Variants in SPECC1L observed in about 807,000 individuals in gnomAD.
SPECC1L encodes sperm antigen with calponin homology and coiled-coil domains 1 like, also known as cytospin-A.
SPECC1L carries 40 observed loss-of-function variants against 116.8 expected under a neutral mutation model. That is an observed-to-expected ratio of 0.34 (90% CI 0.27 to 0.45). The LOEUF (loss-of-function observed/expected upper bound fraction) is 0.45. SPECC1L is among the 20% of genes least tolerant of loss of function. The pLI, the probability that SPECC1L is intolerant of heterozygous loss-of-function variation, is 1.00. For synonymous variants in SPECC1L, 504 were observed against 500.6 expected (o/e 1.01, Z -0.09); for missense variants, 1,110 against 1,373.6 (o/e 0.81, Z 3.03).
At chr22:24,330,100 G>A (rs2040909521) in intron 7 of SPECC1L, among the ~76,000 whole-genome samples, 156 bp from the exon 8 acceptor site, 1 of 152,100 alleles carries the variant, frequency 6.6e-6, no homozygotes, top group African/African-American at 2.4e-5. Context: ...TTGCCTGTTA[G>A]AAATAGATAC....
intron 2 of SPECC1L, among the ~76,000 whole-genome samples, chr22:24,301,701 AAT>A (rs1274150390): frequency 6.6e-6 from 1 of 152,198 alleles, no homozygotes; most frequent in Non-Finnish European, 1.5e-5. Flanking sequence ...AAAGTTTAAA[AAT>A]AGTAAGTCAG....
At chr22:24,342,237 A>G (rs555434138) in intron 10 of SPECC1L, among the ~76,000 whole-genome samples, 12 of 152,370 alleles carry the variant, frequency 7.9e-5, no homozygotes, top group African/African-American at 2.9e-4. Context: ...ACCTATAACC[A>G]GGGGAAAAAT....
At chr22:24,366,519 T>A (rs2041769684) in intron 13 of SPECC1L, among the ~76,000 whole-genome samples, 1 of 151,868 alleles carries the variant, frequency 6.6e-6, no homozygotes, top group African/African-American at 2.4e-5. Context: ...TCAAATTGAG[T>A]CACTTTGATG....
intron 11 of SPECC1L, among the ~76,000 whole-genome samples, chr22:24,348,473 G>A (rs1387707499): frequency 2.6e-5 from 4 of 152,138 alleles, no homozygotes; most frequent in Admixed American, 6.5e-5. Flanking sequence ...TAGGGGCAAT[G>A]GAGTACAAGG....
At chr22:24,345,895 C>A (rs2041281865) in intron 10 of SPECC1L, among the ~76,000 whole-genome samples, 1 of 152,104 alleles carries the variant, frequency 6.6e-6, no homozygotes, top group South Asian at 2.1e-4. Context: ...CATAGACAAG[C>A]AACGTGGTCT....
At chr22:24,410,625 CT>C (rs1298880480) in intron 14 of SPECC1L, among the ~76,000 whole-genome samples, 2 of 152,114 alleles carry the variant, frequency 1.3e-5, no homozygotes, top group Non-Finnish European at 2.9e-5. Flanking sequence ...TTTCAGATTA[CT>C]TTTTTTTAAC....
intron 11 of SPECC1L, among the ~76,000 whole-genome samples, chr22:24,354,873 A>G (rs1307230830): frequency 1.3e-5 from 2 of 151,716 alleles, no homozygotes; most frequent in African/African-American, 4.8e-5. Flanking sequence ...CATGTTGGCC[A>G]TCTCATGACC....
At chr22:24,297,619 A>G (rs1043653520) in intron 2 of SPECC1L, among the ~76,000 whole-genome samples, 3 of 152,176 alleles carry the variant, frequency 2.0e-5, no homozygotes, top group Non-Finnish European at 2.9e-5. Flanking sequence ...CCCTTTATCT[A>G]TGGTTTTGCT....
intron 14 of SPECC1L, among the ~76,000 whole-genome samples, chr22:24,394,241 C>G (rs1417950742): frequency 6.6e-6 from 1 of 152,188 alleles, no homozygotes; most frequent in Non-Finnish European, 1.5e-5. Flanking sequence ...AAATTTATTT[C>G]TCACAGGCCT....
intron 2 of SPECC1L, among the ~76,000 whole-genome samples, chr22:24,281,628 G>C (rs936973540): frequency 6.6e-6 from 1 of 151,978 alleles, no homozygotes; most frequent in Non-Finnish European, 1.5e-5. Context: ...ATAATACTTG[G>C]TTTTTGTGTA....
intron 14 of SPECC1L, among the ~76,000 whole-genome samples, chr22:24,402,139 T>C (rs5760393): frequency 4.0e-4 from 44 of 109,306 alleles, no homozygotes; most frequent in African/African-American, 6.2e-4. Flanking sequence ...TTCCCCTTCC[T>C]TCCCCTTCCC....
At chr22:24,304,293 TGTA>T (rs2049445436) in intron 3 of SPECC1L, 1 of 152,242 alleles carries the variant, frequency 6.6e-6, no homozygotes, top group African/African-American at 2.4e-5. Flanking sequence ...ACTCTCTTCT[TGTA>T]GTGACAGGAT....
At chr22:24,315,469 T>C (rs1237318774) in intron 4 of SPECC1L, among the ~76,000 whole-genome samples, 1 of 152,276 alleles carries the variant, frequency 6.6e-6, no homozygotes, top group Non-Finnish European at 1.5e-5. Flanking sequence ...AGGCTGGTGG[T>C]GAGGCAAGGT....
intron 14 of SPECC1L, among the ~76,000 whole-genome samples, chr22:24,379,485 T>C (rs1247957151): frequency 6.6e-6 from 1 of 152,216 alleles, no homozygotes; most frequent in African/African-American, 2.4e-5. Flanking sequence ...AGTTATTCCA[T>C]GCCTCTTGGA....
chr22:24,324,890 A>T (rs1179868047), intron 6 of SPECC1L, among the ~76,000 whole-genome samples: 1 of 152,222 alleles, frequency 6.6e-6, no homozygotes. Context: ...TCCTGTGTCC[A>T]TGGTAACTGC....
chr22:24,288,999 C>G (rs193105467), intron 2 of SPECC1L, among the ~76,000 whole-genome samples: 19 of 152,246 alleles, frequency 1.2e-4, no homozygotes, highest in Admixed American at 1.1e-3. Context: ...TGAAATGTTT[C>G]ATTTAGTATT....
intron 14 of SPECC1L, among the ~76,000 whole-genome samples, chr22:24,406,013 G>A (rs757115958): frequency 1.7e-4 from 26 of 152,088 alleles, no homozygotes; most frequent in Non-Finnish European, 3.5e-4. Flanking sequence ...TCATACTGGT[G>A]GTGGTGAGTT....
At chr22:24,271,760 T>A (rs2048731945) in intron 1 of SPECC1L, among the ~76,000 whole-genome samples, 1 of 152,200 alleles carries the variant, frequency 6.6e-6, no homozygotes, top group South Asian at 2.1e-4. Flanking sequence ...GGAACCTTGA[T>A]TTGTTGATAT....
At chr22:24,360,090 G>C (rs1246115491) in intron 11 of SPECC1L, among the ~76,000 whole-genome samples, 1 of 152,200 alleles carries the variant, frequency 6.6e-6, no homozygotes, top group Non-Finnish European at 1.5e-5. Context: ...TTAATGAATG[G>C]ATTAAGACAA....
Sources: gnomAD v4.1 joint callset for allele counts (sites outside exome capture counted in the v4.1 genomes callset) on GRCh38, gnomAD v4.1.1 for gene constraint, MANE v1.5 for transcripts, NCBI Gene and HGNC (gene_info 2026-07-23, HGNC 2026-07-21) for gene names.